The following DDHD1 variants were observed in gnomAD, a reference collection of about 807,000 sequenced individuals.
DDHD1 encodes the protein phospholipase DDHD1.
Under a neutral mutation model 96.4 loss-of-function variants are expected in DDHD1, and 49 were observed. The ratio of observed to expected loss-of-function variants is 0.51; its 90% CI spans 0.40 to 0.64. DDHD1 has a LOEUF of 0.64. Ranked by LOEUF, DDHD1 falls within the 30% of genes least tolerant of loss-of-function variation. DDHD1 has a pLI of 0.00. For missense variants in DDHD1, 1,106 were observed against 1,161.2 expected (o/e 0.95, Z 0.69); for synonymous variants, 442 against 446.5 (o/e 0.99, Z 0.13).
At chr14:53,119,063 A>AAG (rs1888778074) in intron 1 of DDHD1, among the ~76,000 whole-genome samples, 1 of 152,206 alleles carries the variant, frequency 6.6e-6, no homozygotes. Flanking sequence ...CAGCCAAACT[A>AAG]AGCTTCGAAA....
At chr14:53,096,111 C>T (rs1886865018) in intron 2 of DDHD1, 5 of 979,142 alleles carry the variant, frequency 5.1e-6, no homozygotes, top group Non-Finnish European at 4.9e-6. Context: ...ACTACAATTA[C>T]TGTACCTTGG....
intron 4 of DDHD1, among the ~76,000 whole-genome samples, chr14:53,078,544 G>A (rs1885164040): frequency 6.6e-6 from 1 of 152,054 alleles, no homozygotes; most frequent in South Asian, 2.1e-4. Flanking sequence ...TATCAGATAT[G>A]TGGTTTGCTA....
Position 53,042,302 on chromosome 14 carries a change from G to A in DDHD1, c.*4466C>T, listed in dbSNP as rs1405015448. The A allele has an allele frequency of 1.3e-5, 2 of 152,140 alleles. No homozygotes were observed. Among genetic ancestry groups the A allele is most frequent in the Non-Finnish European group, 2.9e-5 (2 of 68,022 alleles). 9.4% of individuals were successfully genotyped at this position (152,140 alleles called of 1,614,324 possible). On this transcript the variant is annotated 3_prime_UTR_variant, in exon 13 of 13. Transcript: ENST00000673822. ...AAACTTAGTTTCTGACATGACACCT[G>A]TTAATATTTGCAGAATATTATTGAG...
chr14:53,125,497 T>C (rs370977959), intron 1 of DDHD1, among the ~76,000 whole-genome samples: 3 of 152,226 alleles, frequency 2.0e-5, no homozygotes, highest in African/African-American at 7.2e-5. Flanking sequence ...ATACAATCAA[T>C]TCCACACTGA....
intron 1 of DDHD1, among the ~76,000 whole-genome samples, chr14:53,109,688 C>G (rs528686205): frequency 1.3e-5 from 2 of 152,114 alleles, no homozygotes; most frequent in Admixed American, 1.3e-4. Flanking sequence ...CTTCCAGACC[C>G]AGAAGCTCAT....
chr14:53,090,602 T>C (rs561769192), intron 4 of DDHD1, among the ~76,000 whole-genome samples: 9 of 152,314 alleles, frequency 5.9e-5, no homozygotes, highest in Admixed American at 5.9e-4. Context: ...GAAACCATCA[T>C]TCTCAGCAAA....
At chr14:53,097,613 G>C (rs576632465) in intron 2 of DDHD1, among the ~76,000 whole-genome samples, 3 of 152,048 alleles carry the variant, frequency 2.0e-5, no homozygotes, top group South Asian at 4.1e-4. Flanking sequence ...ACAAACTTGA[G>C]ACTTTACTGC....
intron 2 of DDHD1, 163 bp downstream of exon 2, chr14:53,103,520 T>C (rs1887467255): frequency 7.1e-6 from 4 of 562,784 alleles, no homozygotes; most frequent in Admixed American, 3.6e-5. Flanking sequence ...CAGATATTTA[T>C]AGTAGTTAAT....
rs1881817737 is a variant in DDHD1 at position 53,043,672 on chromosome 14, C to T, written c.*3096G>A. On this transcript the variant is annotated 3_prime_UTR_variant, in exon 13 of 13. Transcript: ENST00000673822. Reference sequence around the variant, plus strand: ...TCAACTCTTGGGCTCAAGTAATCTTCCCTGCTTGGCCTCCCAAAGTGCTGG... The same window carrying T: ...TCAACTCTTGGGCTCAAGTAATCTTTCCTGCTTGGCCTCCCAAAGTGCTGG... The T allele has an allele frequency of 6.6e-6, 1 of 152,148 alleles. No individual in the cohort carries two copies. The highest frequency in any genetic ancestry group is 2.4e-5 in the African/African-American group (1 of 41,390). The allele number at this position is 152,148 out of a possible 1,614,324, so 9.4% of individuals were successfully genotyped here.
intron 5 of DDHD1, among the ~76,000 whole-genome samples, chr14:53,073,524 C>G (rs1884704760): frequency 6.6e-6 from 1 of 151,978 alleles, no homozygotes; most frequent in Admixed American, 6.6e-5. Context: ...TCTATGAAAT[C>G]TATGTAATGG....
intron 8 of DDHD1, among the ~76,000 whole-genome samples, chr14:53,059,331 G>A (rs970873275): frequency 6.6e-6 from 1 of 151,914 alleles, no homozygotes; most frequent in Admixed American, 6.6e-5. Flanking sequence ...TGCAAGCTCC[G>A]CCTCCTGGGT....
intron 1 of DDHD1, among the ~76,000 whole-genome samples, chr14:53,137,120 AAATAC>A (rs1473062045): frequency 3.3e-5 from 5 of 152,190 alleles, no homozygotes; most frequent in African/African-American, 1.2e-4. Flanking sequence ...TAGAGATGAA[AAATAC>A]AATATAAAAA....
Position 53,130,869 on chromosome 14 carries a change from G to C in DDHD1, c.838+21392C>G, listed in dbSNP as rs139455916. Among the ~76,000 whole-genome samples the C allele has an allele frequency of 1.1e-3, 172 of 152,258 alleles. 3 individuals are homozygous for C. In the East Asian group the frequency reaches 0.016, roughly 14 times the overall value. ...CTTCTTAGCTTAGTGGCTGAAATCT[G>C]ACGCTGCCTGATCTCCTCAAAAGCC... On this transcript the variant is annotated intron_variant, in intron 1 of 12. Transcript: ENST00000673822.
chr14:53,079,474 T>C (rs1885262921), intron 4 of DDHD1, among the ~76,000 whole-genome samples: 1 of 152,190 alleles, frequency 6.6e-6, no homozygotes. Flanking sequence ...TCTTGGAAAG[T>C]GATTACTAAA....
At chr14:53,114,134 G>T (rs1888359127) in intron 1 of DDHD1, among the ~76,000 whole-genome samples, 1 of 152,156 alleles carries the variant, frequency 6.6e-6, no homozygotes, top group East Asian at 1.9e-4. Context: ...CACCACAGCG[G>T]GGCAAAGCGG....
chr14:53,093,428 C>T lies in DDHD1; in HGVS notation c.1029G>A (p.Lys343=), dbSNP rs774559173. ...IDGKDAVHSF[K]LSRNHVDWHS... is the part of the protein sequence containing the mutation. ...GCCAGTCCACATGGTTTCGACTCAA[C>T]TTGAAACTATGAACAGCTATTGCAA... Residue 343 remains lysine (K), a synonymous_variant, in exon 3 of 13, where the codon AAG becomes AAA. Transcript: ENST00000673822. 6.2e-7 allele frequency: 1 copy of T among 1,611,528 alleles called. No individual in the cohort carries two copies. The highest frequency in any genetic ancestry group is 1.7e-5 in the Admixed American group (1 of 59,608).
intron 1 of DDHD1, among the ~76,000 whole-genome samples, chr14:53,124,799 A>G (rs1889307537): frequency 6.6e-6 from 1 of 152,248 alleles, no homozygotes. Flanking sequence ...GGGCTGCTGT[A>G]CAAAATACTA....
chr14:53,107,089 G>A (rs1172801872), intron 1 of DDHD1, among the ~76,000 whole-genome samples: 1 of 151,942 alleles, frequency 6.6e-6, no homozygotes, highest in Non-Finnish European at 1.5e-5. Flanking sequence ...CCTTATCTGT[G>A]GGGGATACAT....
chr14:53,133,874 A>G (rs1166372741), intron 1 of DDHD1, among the ~76,000 whole-genome samples: 1 of 151,842 alleles, frequency 6.6e-6, no homozygotes, highest in Non-Finnish European at 1.5e-5. Context: ...AAATTCTACA[A>G]CCTCGATGGA....
Sources: allele counts gnomAD v4.1 joint callset (sites outside exome capture counted in the v4.1 genomes callset), GRCh38; gene constraint gnomAD v4.1.1; transcripts MANE v1.5; gene names NCBI Gene and HGNC (gene_info 2026-07-23, HGNC 2026-07-21).